TSGA10: variants seen among roughly 807,000 people sequenced by gnomAD.
TSGA10 encodes testis-specific gene 10 protein.
A neutral mutation model predicts 96.6 loss-of-function variants in TSGA10; 43 were observed. That is an observed-to-expected ratio of 0.44 (90% CI 0.35 to 0.57). The LOEUF (loss-of-function observed/expected upper bound fraction) is 0.57, where lower values mean the gene tolerates loss of function less well. TSGA10 is among the 20% of genes least tolerant of loss of function. The probability of loss-of-function intolerance (pLI) is 0.01; values close to 1 mark genes in which losing one functional copy is unlikely to be tolerated. For missense variants in TSGA10, 703 were observed against 834.4 expected, an observed-to-expected ratio of 0.84 and a Z score of 1.94; for synonymous variants, 229 against 269.9, an observed-to-expected ratio of 0.85 and a Z score of 1.48.
rs568678132 is a variant in TSGA10 at position 99,114,902 on chromosome 2, C to CAAGG, written c.-140+2638_-140+2641dup. On this transcript the variant is annotated intron_variant, in intron 4 of 20. Coordinates refer to ENST00000393483, the MANE Select transcript of TSGA10 (RefSeq NM_025244.4). ...TTAATTTTTAATTTGAAAACAAAAA[C>CAAGG]AAGGAAGACATACTAAAACTCTTCA... 3.8e-4 allele frequency among the ~76,000 whole-genome samples: 58 copies of CAAGG among 152,168 alleles called. 1 individual carries two copies. In the East Asian group the frequency reaches 0.01, roughly 27 times the overall value.
intron 20 of TSGA10, among the ~76,000 whole-genome samples, chr2:99,005,513 G>A (rs549799712): frequency 8.1e-4 from 124 of 152,220 alleles, no homozygotes; most frequent in African/African-American, 2.9e-3. Context: ...CAGACAGAGA[G>A]CCAAATCATG....
intron 2 of TSGA10, among the ~76,000 whole-genome samples, chr2:99,121,297 G>A (rs2092557183): frequency 6.6e-6 from 1 of 152,036 alleles, no homozygotes; most frequent in Non-Finnish European, 1.5e-5. Flanking sequence ...ATGGATGAGT[G>A]ATCCAGTTTC....
At chr2:99,112,659 C>T (rs1255536975) in intron 4 of TSGA10, among the ~76,000 whole-genome samples, 1 of 151,542 alleles carries the variant, frequency 6.6e-6, no homozygotes, top group African/African-American at 2.4e-5. Context: ...GGTCCTAAGG[C>T]AAAAGAAGGT....
chr2:99,021,856 C>T (rs2080040676), intron 17 of TSGA10, among the ~76,000 whole-genome samples: 1 of 152,194 alleles, frequency 6.6e-6, no homozygotes, highest in Non-Finnish European at 1.5e-5. Context: ...ATGAACATTA[C>T]ATTGGGCAAT....
At chr2:99,109,030 A>G (rs781006987) in intron 6 of TSGA10, 39 bp from the exon 7 acceptor site, 15 of 1,414,718 alleles carry the variant, frequency 1.1e-5, no homozygotes, top group Non-Finnish European at 1.4e-5. Context: ...TCTTTGATAT[A>G]TAGTACTGAT....
At chr2:99,143,573 C>G (rs970446071) in intron 1 of TSGA10, among the ~76,000 whole-genome samples, 5 of 151,790 alleles carry the variant, frequency 3.3e-5, no homozygotes, top group African/African-American at 1.2e-4. Flanking sequence ...CAGGTTGAAG[C>G]AGTTCTCCTG....
At chr2:99,094,974 A>G (rs1574285870) in intron 10 of TSGA10, among the ~76,000 whole-genome samples, 2 of 152,350 alleles carry the variant, frequency 1.3e-5, no homozygotes, top group African/African-American at 4.8e-5. Flanking sequence ...ACAATTAGCA[A>G]TTTCAAAAAT....
At chr2:99,002,394 A>G (rs540483229) in intron 20 of TSGA10, among the ~76,000 whole-genome samples, 1 of 152,322 alleles carries the variant, frequency 6.6e-6, no homozygotes, top group African/African-American at 2.4e-5. Flanking sequence ...TAAGCTTCGT[A>G]AGTGAAGGAG....
intron 17 of TSGA10, among the ~76,000 whole-genome samples, chr2:99,029,456 A>G (rs2080945317): frequency 6.6e-6 from 1 of 152,144 alleles, no homozygotes; most frequent in Non-Finnish European, 1.5e-5. Context: ...ACTAAGACTG[A>G]ACAAAAGGTC....
intron 20 of TSGA10, among the ~76,000 whole-genome samples, chr2:99,008,357 G>T (rs1228736574): frequency 6.6e-6 from 1 of 152,074 alleles, no homozygotes; most frequent in Non-Finnish European, 1.5e-5. Flanking sequence ...AAGATCTAAA[G>T]TCCATTAGAA....
At chr2:99,120,590 T>G (rs555616206) in intron 2 of TSGA10, among the ~76,000 whole-genome samples, 1 of 152,310 alleles carries the variant, frequency 6.6e-6, no homozygotes, top group South Asian at 2.1e-4. Context: ...TCAATTAGTT[T>G]TGTTAAAAAT....
At chr2:99,082,876 G>A (rs894127607) in intron 10 of TSGA10, among the ~76,000 whole-genome samples, 1 of 151,708 alleles carries the variant, frequency 6.6e-6, no homozygotes, top group Non-Finnish European at 1.5e-5. Flanking sequence ...CAACAAATTT[G>A]GAAAAGAACC....
intron 16 of TSGA10, among the ~76,000 whole-genome samples, chr2:99,059,773 G>A (rs1273546555): frequency 6.6e-6 from 1 of 151,726 alleles, no homozygotes. Flanking sequence ...AATTAGCCAG[G>A]CATGGTGGCA....
intron 2 of TSGA10, among the ~76,000 whole-genome samples, chr2:99,123,543 C>T (rs1263035624): frequency 1.3e-5 from 2 of 152,048 alleles, no homozygotes; most frequent in East Asian, 1.9e-4. Flanking sequence ...AATATATATA[C>T]ATAATTTTCA....
At chr2:99,075,858 A>T (rs888096425) in intron 12 of TSGA10, among the ~76,000 whole-genome samples, 2 of 152,188 alleles carry the variant, frequency 1.3e-5, no homozygotes, top group Admixed American at 6.5e-5. Flanking sequence ...TTTTGCTTCT[A>T]AATGTTAGTG....
chr2:99,008,257 A>G (rs891139216), intron 20 of TSGA10, among the ~76,000 whole-genome samples: 2 of 152,242 alleles, frequency 1.3e-5, no homozygotes, highest in Non-Finnish European at 2.9e-5. Context: ...AGATTAAAAG[A>G]CAAATGACAA....
At chr2:99,032,926 T>G (rs1280258111) in intron 17 of TSGA10, among the ~76,000 whole-genome samples, 2 of 152,188 alleles carry the variant, frequency 1.3e-5, no homozygotes, top group African/African-American at 4.8e-5. Context: ...CTTGTTTCTG[T>G]GTGATATATT....
At chr2:99,134,749 T>C (rs1211250696) in intron 1 of TSGA10, among the ~76,000 whole-genome samples, 2 of 152,220 alleles carry the variant, frequency 1.3e-5, no homozygotes, top group Non-Finnish European at 2.9e-5. Flanking sequence ...GTTGGTGACC[T>C]GCAGATGGGG....
At chr2:99,089,442 G>A (rs1333762200) in intron 10 of TSGA10, among the ~76,000 whole-genome samples, 1 of 152,220 alleles carries the variant, frequency 6.6e-6, no homozygotes. Context: ...GCAGATGCAG[G>A]CAGGAGGGGT....
Sources: gnomAD v4.1 joint callset for allele counts (sites outside exome capture counted in the v4.1 genomes callset) on GRCh38, gnomAD v4.1.1 for gene constraint, MANE v1.5 for transcripts, NCBI Gene and HGNC (gene_info 2026-07-23, HGNC 2026-07-21) for gene names.